Variants in KMO observed in about 807,000 individuals in gnomAD.
KMO encodes kynurenine 3-hydroxylase.
KMO carries 24 observed loss-of-function variants against 57.8 expected under a neutral mutation model. The observed-to-expected ratio is 0.42, with a 90% CI of 0.30 to 0.58. KMO has a LOEUF of 0.58. Among genes scored for constraint, KMO ranks in the 20% least tolerant of loss-of-function variants. KMO has a pLI of 0.22. For synonymous variants in KMO, 210 were observed against 193.6 expected, an observed-to-expected ratio of 1.08 and a Z score of -0.70; for missense variants, 483 against 588.2, an observed-to-expected ratio of 0.82 and a Z score of 1.85.
intron 10 of KMO, among the ~76,000 whole-genome samples, chr1:241,578,722 G>T (rs1332763501): frequency 6.6e-6 from 1 of 152,130 alleles, no homozygotes; most frequent in African/African-American, 2.4e-5. Context: ...TTCCTGGTTA[G>T]CCAGGGTGGT....
rs766556140 is a variant in KMO, at chr1:241,593,602, T to C, written c.*1449T>C. 39 of 224,074 alleles carry C rather than the reference T, an allele frequency of 1.7e-4. No homozygotes were observed. The highest frequency in any genetic ancestry group is 2.8e-4 in the Non-Finnish European group (29 of 102,784). 13.9% of individuals were successfully genotyped at this position (224,074 alleles called of 1,614,324 possible). ...TGGGGCCCCTATAACAAAAGACAGATTGACAAGAGAAAAACAAACATAAAT... is the reference window on the plus strand; with the variant it reads ...TGGGGCCCCTATAACAAAAGACAGACTGACAAGAGAAAAACAAACATAAAT... On this transcript the variant is annotated 3_prime_UTR_variant, in exon 15 of 15. Coordinates refer to ENST00000366559, the MANE Select transcript of KMO (RefSeq NM_003679.5).
intron 1 of KMO, among the ~76,000 whole-genome samples, 168 bp from the exon 2 acceptor site, chr1:241,548,661 T>A (rs969502284): frequency 6.6e-6 from 1 of 152,168 alleles, no homozygotes; most frequent in South Asian, 2.1e-4. Context: ...CACTGATACT[T>A]TTCAGCAGAA....
At chr1:241,549,308 AAG>A (rs202011165) in intron 2 of KMO, among the ~76,000 whole-genome samples, 1,971 of 151,566 alleles carry the variant, frequency 0.013, 62 homozygotes, top group African/African-American at 0.046. Context: ...GCAAGAAAGA[AAG>A]AGAGAAAGAG....
chr1:241,576,844 C>G (rs1047301362), intron 10 of KMO, among the ~76,000 whole-genome samples: 1 of 152,076 alleles, frequency 6.6e-6, no homozygotes, highest in Admixed American at 6.6e-5. Flanking sequence ...AAACTTTTTA[C>G]TTTCTTTTCT....
At chr1:241,538,313 C>G (rs1320742029) in intron 1 of KMO, among the ~76,000 whole-genome samples, 2 of 152,110 alleles carry the variant, frequency 1.3e-5, no homozygotes, top group African/African-American at 4.8e-5. Flanking sequence ...TCCTATTATC[C>G]TTACTCCATA....
At chr1:241,560,393 A>G (rs1392087437) in intron 5 of KMO, among the ~76,000 whole-genome samples, 1 of 152,234 alleles carries the variant, frequency 6.6e-6, no homozygotes, top group East Asian at 1.9e-4. Flanking sequence ...TAATAATTAC[A>G]GCAATGCAAG....
At chr1:241,534,634 T>C (rs543149832) in intron 1 of KMO, among the ~76,000 whole-genome samples, 131 of 152,362 alleles carry the variant, frequency 8.6e-4, no homozygotes, top group Middle Eastern at 6.8e-3. Context: ...TACATTTAAA[T>C]TCTAGCCATT....
At chr1:241,588,033 T>C (rs146628828) in intron 11 of KMO, among the ~76,000 whole-genome samples, 47 of 152,314 alleles carry the variant, frequency 3.1e-4, no homozygotes, top group African/African-American at 7.5e-4. Context: ...GCCTTAAACT[T>C]ACACCCAGTT....
At chr1:241,588,329 C>CTTTTTTTTTTTT (rs57587351) in intron 11 of KMO, among the ~76,000 whole-genome samples, 756 of 98,342 alleles carry the variant, frequency 7.7e-3, no homozygotes, top group Non-Finnish European at 9.3e-3. Context: ...TCTTTTTTTT[C>CTTTTTTTTTTTT]TTTTTTTTTT....
rs201213541 is a variant in KMO at position 241,534,966 on chromosome 1, G to GT, written c.54+2479dup. ...CAGTATCGGAAATTACACACTTTGG[G>GT]TTTTTTTTTTTAACCTGTTTCTTAG... On this transcript the variant is annotated intron_variant, in intron 1 of 14. Transcript: ENST00000366559. 7.2e-3 allele frequency among the ~76,000 whole-genome samples: 1,033 copies of GT among 142,984 alleles called. 20 individuals are homozygous for GT. Among genetic ancestry groups the GT allele is most frequent in the East Asian group, 0.067 (329 of 4,894 alleles). 93.8% of individuals were successfully genotyped at this position (142,984 alleles called of 152,430 possible). A position where few individuals can be genotyped will look rare whatever the true frequency, so the allele number is the denominator to read the frequency against.
rs368539566 is a variant in KMO at position 241,548,846 on chromosome 1, A to G, written c.72A>G (p.Ala24=). The G allele has an allele frequency of 1.3e-4, 211 of 1,599,976 alleles. No homozygotes were observed. The highest frequency in any genetic ancestry group is 1.2e-3 in the South Asian group (106 of 90,802). ...ATTTCTAGGTTGGCTCATTACAAGCATGCTTTCTTGCAAAGAGGAATTTCC... is the reference window on the plus strand; with the variant it reads ...ATTTCTAGGTTGGCTCATTACAAGCGTGCTTTCTTGCAAAGAGGAATTTCC... ...IGGGLVGSLQ[A]CFLAKRNFQI... The change falls in exon 2 of 15, where the codon GCA becomes GCG. Residue 24 remains alanine, a synonymous_variant. Transcript: ENST00000366559.
intron 1 of KMO, among the ~76,000 whole-genome samples, chr1:241,539,344 A>G (rs1660867684): frequency 6.7e-6 from 1 of 149,254 alleles, no homozygotes; most frequent in East Asian, 2.1e-4. Flanking sequence ...AGATCGTGCC[A>G]CTGCATTCCA....
intron 1 of KMO, 58 bp from the exon 2 acceptor site, chr1:241,548,771 T>TA (rs1277340582): frequency 1.8e-6 from 2 of 1,095,618 alleles, no homozygotes; most frequent in Non-Finnish European, 2.7e-6. Flanking sequence ...ATTTTGCTGC[T>TA]AAAAATTCCC....
intron 5 of KMO, among the ~76,000 whole-genome samples, chr1:241,559,559 A>T (rs1195384916): frequency 6.6e-6 from 1 of 152,214 alleles, no homozygotes; most frequent in African/African-American, 2.4e-5. Context: ...TCTTCTACAT[A>T]GATGAATTTC....
Position 241,592,100 on chromosome 1 carries a change from C to T in KMO, c.1408C>T (p.Pro470Ser). The T allele has an allele frequency of 6.2e-7, 1 of 1,613,968 alleles. No homozygotes were observed. The highest frequency in any genetic ancestry group is 8.5e-7 in the Non-Finnish European group (1 of 1,179,966). The part of the protein sequence containing the change: ...IAHFRNTTCF[P>S]AKAVDSLEQI... ...TCACTTCCGGAATACAACATGTTTC[C>T]CCGCAAAGGCCGTGGACTCCCTAGA... Residue 470 changes from proline to serine, a missense_variant, in exon 15 of 15, where the codon CCC (proline) becomes TCC (serine). Coordinates refer to ENST00000366559, the MANE Select transcript of KMO (RefSeq NM_003679.5).
At chr1:241,572,451 T>G (rs944153985) in intron 10 of KMO, among the ~76,000 whole-genome samples, 1 of 152,072 alleles carries the variant, frequency 6.6e-6, no homozygotes, top group Admixed American at 6.5e-5. Flanking sequence ...TTTATTTATT[T>G]GAGTCTTCTC....
In KMO at chr1:241,592,755, C is replaced by CATATATCT. The variant is rs3034557; in HGVS notation, c.*604_*605insATATCTAT. 2 of 137,478 alleles carry CATATATCT rather than the reference C, an allele frequency of 1.5e-5. No homozygotes were observed. The highest frequency in any genetic ancestry group is 1.6e-5 in the Non-Finnish European group (1 of 61,742). 8.5% of individuals were successfully genotyped at this position (137,478 alleles called of 1,614,324 possible). ...ATCTATCATCTATCTATCTATCTAT[C>CATATATCT]ATCTATCTATCTATCTATCTATCTA... On this transcript the variant is annotated 3_prime_UTR_variant, in exon 15 of 15. Coordinates refer to ENST00000366559, the MANE Select transcript of KMO (RefSeq NM_003679.5).
rs570940911 is a variant in KMO, at chr1:241,595,401, A to T, written c.*3248A>T. The T allele has an allele frequency of 6.6e-6, 1 of 152,372 alleles. No individual in the cohort carries two copies. The highest frequency in any genetic ancestry group is 2.4e-5 in the African/African-American group (1 of 41,574). 9.4% of individuals were successfully genotyped at this position (152,372 alleles called of 1,614,324 possible). A position where few individuals can be genotyped will look rare whatever the true frequency, so the allele number is the denominator to read the frequency against. The stretch of plus-strand genomic sequence containing the variant: ...ATTCCTAAATGACTGCATAGGACAG[A>T]TCCCATCTCCTCCACCCAATACATT... On this transcript the variant is annotated 3_prime_UTR_variant, in exon 15 of 15. Coordinates refer to ENST00000366559, the MANE Select transcript of KMO (RefSeq NM_003679.5).
intron 1 of KMO, among the ~76,000 whole-genome samples, chr1:241,546,266 T>C (rs530457586): frequency 6.6e-6 from 1 of 152,296 alleles, no homozygotes; most frequent in South Asian, 2.1e-4. Context: ...CCAAATTTTG[T>C]ACTTCTAGTT....
Sources: allele counts gnomAD v4.1 joint callset (sites outside exome capture counted in the v4.1 genomes callset), GRCh38; gene constraint gnomAD v4.1.1; transcripts MANE v1.5; gene names NCBI Gene and HGNC (gene_info 2026-07-23, HGNC 2026-07-21).